The following STPG2 variants were observed in gnomAD, a reference collection of about 807,000 sequenced individuals.
STPG2 encodes sperm-tail PG-rich repeat-containing protein 2.
A neutral mutation model predicts 54.2 loss-of-function variants in STPG2; 56 were observed. The ratio of observed to expected loss-of-function variants is 1.03; its 90% CI spans 0.83 to 1.29. The LOEUF (loss-of-function observed/expected upper bound fraction) is 1.29, where lower values mean the gene tolerates loss of function less well. Ranked by LOEUF, STPG2 falls within the 50% of genes most tolerant of loss-of-function variation. STPG2 has a pLI of 0.00. For synonymous variants in STPG2, 200 were observed against 181.8 expected, an observed-to-expected ratio of 1.10 and a Z score of -0.81; for missense variants, 596 against 544.9, an observed-to-expected ratio of 1.09 and a Z score of -0.93.
At chr4:98,088,688 A>C (rs1180951687) in intron 5 of STPG2, among the ~76,000 whole-genome samples, 8 of 151,434 alleles carry the variant, frequency 5.3e-5, no homozygotes, top group African/African-American at 1.4e-4. Context: ...AAAAAAAAAA[A>C]AAAACTCTAG....
At chr4:97,725,132 T>C (rs76010146) in intron 9 of STPG2, among the ~76,000 whole-genome samples, 2,276 of 152,210 alleles carry the variant, frequency 0.015, 50 homozygotes, top group African/African-American at 0.05. Flanking sequence ...TGAGGTATGA[T>C]AGTGGGAAGG....
intron 4 of STPG2, among the ~76,000 whole-genome samples, chr4:97,499,688 G>C (rs1730683897): frequency 6.6e-6 from 1 of 151,580 alleles, no homozygotes; most frequent in East Asian, 2.0e-4. Flanking sequence ...TTAATAGCAT[G>C]GTCAGGGAAG....
chr4:97,974,536 C>T (rs116908246), intron 6 of STPG2, among the ~76,000 whole-genome samples: 4 of 152,164 alleles, frequency 2.6e-5, no homozygotes, highest in African/African-American at 4.8e-5. Flanking sequence ...GTAGCTCCCA[C>T]AATTCTTATG....
chr4:97,905,817 A>G (rs1378522572), intron 8 of STPG2, among the ~76,000 whole-genome samples: 1 of 152,210 alleles, frequency 6.6e-6, no homozygotes, highest in Non-Finnish European at 1.5e-5. Flanking sequence ...TTTGAAACCA[A>G]CGAGAACAAA....
At chr4:97,815,524 A>G (rs1727881507) in intron 9 of STPG2, among the ~76,000 whole-genome samples, 1 of 152,168 alleles carries the variant, frequency 6.6e-6, no homozygotes, top group African/African-American at 2.4e-5. Context: ...TATATATAAA[A>G]TCTTTTGTTT....
chr4:98,135,627 A>G (rs1459297346), intron 1 of STPG2, among the ~76,000 whole-genome samples: 1 of 151,796 alleles, frequency 6.6e-6, no homozygotes, highest in South Asian at 2.1e-4. Context: ...TTAGTGACTG[A>G]TGGTTTTAGC....
At chr4:98,010,543 C>T (rs1735713037) in intron 5 of STPG2, among the ~76,000 whole-genome samples, 3 of 152,032 alleles carry the variant, frequency 2.0e-5, no homozygotes, top group African/African-American at 7.2e-5. Flanking sequence ...TAGTAGGCAG[C>T]ATATACTTGG....
At chr4:97,453,943 G>C (rs529882973) in intron 4 of STPG2, among the ~76,000 whole-genome samples, 9 of 152,218 alleles carry the variant, frequency 5.9e-5, no homozygotes, top group African/African-American at 2.2e-4. Flanking sequence ...ATGTAGAGCA[G>C]AGGAAAGAAA....
chr4:98,023,474 G>C (rs1736301244), intron 5 of STPG2, among the ~76,000 whole-genome samples: 1 of 152,344 alleles, frequency 6.6e-6, no homozygotes, highest in Non-Finnish European at 1.5e-5. Context: ...AGGCTGCTCA[G>C]GGGTCAGGGA....
chr4:97,835,401 A>T (rs940579822), intron 9 of STPG2, among the ~76,000 whole-genome samples: 1 of 152,158 alleles, frequency 6.6e-6, no homozygotes, highest in African/African-American at 2.4e-5. Context: ...AAAAATGGAC[A>T]ACCAACAGCC....
At chr4:97,441,854 A>G (rs1238303418) in intron 4 of STPG2, among the ~76,000 whole-genome samples, 1 of 152,036 alleles carries the variant, frequency 6.6e-6, no homozygotes, top group Non-Finnish European at 1.5e-5. Context: ...TGAGTCTAAT[A>G]AGATAAAATG....
chr4:97,882,645 G>T (rs1730420337), intron 8 of STPG2, among the ~76,000 whole-genome samples: 1 of 152,042 alleles, frequency 6.6e-6, no homozygotes, highest in East Asian at 1.9e-4. Flanking sequence ...TAAACTGAGG[G>T]TGGAAAAGAA....
chr4:97,762,927 T>G (rs532592901), intron 9 of STPG2, among the ~76,000 whole-genome samples: 7 of 152,314 alleles, frequency 4.6e-5, no homozygotes, highest in Admixed American at 3.9e-4. Context: ...TTCCCTAACG[T>G]TCTTTCAATT....
At position 97,482,879 on chromosome 4, in the gene STPG2, C is replaced by G. The variant is rs568802560; in HGVS notation, c.462+229820G>C. Among the ~76,000 whole-genome samples, 18 of 151,802 alleles carry G rather than the reference C, an allele frequency of 1.2e-4. No homozygotes were observed. In the South Asian group the frequency reaches 3.7e-3, roughly 31 times the overall value. ...GATTTATCAGCAGAAACCCTACAAG[C>G]TAGAAGGGATTGGGGTCCTATCTTC... On this transcript the variant is annotated intron_variant, in intron 4 of 4. Transcript: ENST00000522676.
intron 9 of STPG2, among the ~76,000 whole-genome samples, chr4:97,792,209 A>G (rs1727015217): frequency 6.6e-6 from 1 of 152,214 alleles, no homozygotes; most frequent in Admixed American, 6.5e-5. Context: ...AAGCTATAGT[A>G]TATACTATAT....
intron 9 of STPG2, among the ~76,000 whole-genome samples, chr4:97,779,572 T>C (rs968649291): frequency 1.8e-4 from 27 of 152,144 alleles, no homozygotes; most frequent in Non-Finnish European, 2.9e-4. Flanking sequence ...ATTCAGGACA[T>C]ACAGAGACCA....
At position 97,960,272 on chromosome 4, in the gene STPG2, C is replaced by T. The variant is rs192558036; in HGVS notation, c.933+12008G>A. Among the ~76,000 whole-genome samples, 387 of 152,124 alleles carry T rather than the reference C, an allele frequency of 2.5e-3. 3 individuals carry two copies. Among genetic ancestry groups the T allele is most frequent in the African/African-American group, 8.7e-3 (362 of 41,496 alleles). ...ATGGGGAAAAGTTGAAAGCATTCCC[C>T]CTCTGAGAACTGGAACAAGACAAAG... On this transcript the variant is annotated intron_variant, in intron 7 of 10. Transcript: ENST00000295268.
chr4:98,030,397 T>C (rs1431284893), intron 5 of STPG2, among the ~76,000 whole-genome samples: 1 of 152,208 alleles, frequency 6.6e-6, no homozygotes, highest in Non-Finnish European at 1.5e-5. Flanking sequence ...AAATTCAGTA[T>C]TGTATCTGGC....
At chr4:97,820,896 C>G (rs971465385) in intron 9 of STPG2, among the ~76,000 whole-genome samples, 1 of 152,136 alleles carries the variant, frequency 6.6e-6, no homozygotes, top group African/African-American at 2.4e-5. Context: ...ACACTTCCCA[C>G]CAGGCCCCAC....
Sources: allele counts gnomAD v4.1 joint callset (sites outside exome capture counted in the v4.1 genomes callset), GRCh38; gene constraint gnomAD v4.1.1; transcripts MANE v1.5; gene names NCBI Gene and HGNC (gene_info 2026-07-23, HGNC 2026-07-21).